THSD7B: variants seen among roughly 807,000 people sequenced by gnomAD.
THSD7B encodes thrombospondin type 1 domain containing 7B, also known as thrombospondin type-1 domain-containing protein 7B.
In THSD7B, 138 loss-of-function variants were observed where a neutral mutation model predicts 213.6. That is an observed-to-expected ratio of 0.65 (90% CI 0.56 to 0.74). THSD7B has a LOEUF of 0.74. Ranked by LOEUF, THSD7B falls within the 30% of genes least tolerant of loss-of-function variation. THSD7B has a pLI of 0.00. For missense variants in THSD7B, 1,931 were observed against 1,991.5 expected, an observed-to-expected ratio of 0.97 and a Z score of 0.58; for synonymous variants, 742 against 687.0, an observed-to-expected ratio of 1.08 and a Z score of -1.25.
At chr2:137,230,740 A>G (rs1224197803) in intron 7 of THSD7B, among the ~76,000 whole-genome samples, 1 of 152,178 alleles carries the variant, frequency 6.6e-6, no homozygotes, top group African/African-American at 2.4e-5. Context: ...GAAGAAAAGC[A>G]TATACTTGTT....
chr2:137,398,709 GC>G (rs1418701495), intron 12 of THSD7B, among the ~76,000 whole-genome samples: 1 of 152,200 alleles, frequency 6.6e-6, no homozygotes, highest in East Asian at 1.9e-4. Context: ...GAGCTTCAGG[GC>G]TGCTTTGTTT....
At chr2:136,792,646 T>C (rs553422446) in intron 1 of THSD7B, among the ~76,000 whole-genome samples, 32 of 152,074 alleles carry the variant, frequency 2.1e-4, no homozygotes, top group African/African-American at 7.7e-4. Flanking sequence ...TTAATTCTAC[T>C]GTGAACCTAA....
At chr2:137,559,473 C>G (rs1041937162) in intron 15 of THSD7B, among the ~76,000 whole-genome samples, 1 of 152,122 alleles carries the variant, frequency 6.6e-6, no homozygotes, top group Admixed American at 6.5e-5. Flanking sequence ...AAAGGATTCC[C>G]TATTTAACAA....
rs566773517 is a variant in THSD7B, at chr2:137,646,437, T to G, written c.3945+3804T>G. ...AGGGTGAATCACTTGAGGCCAGAAGTTTGAGACCAGCCTGAACAACATGAT... is the reference window on the plus strand; with the variant it reads ...AGGGTGAATCACTTGAGGCCAGAAGGTTGAGACCAGCCTGAACAACATGAT... On this transcript the variant is annotated intron_variant, in intron 21 of 27. Transcript: ENST00000409968. Among the ~76,000 whole-genome samples, 3 of 149,530 alleles carry G rather than the reference T, an allele frequency of 2.0e-5. No individual in the cohort carries two copies. The East Asian group carries it at 5.9e-4, about 29-fold the overall frequency.
chr2:136,797,054 G>T (rs547632102), intron 1 of THSD7B, among the ~76,000 whole-genome samples: 4 of 150,766 alleles, frequency 2.7e-5, no homozygotes, highest in Non-Finnish European at 5.9e-5. Flanking sequence ...GTCATGAAAA[G>T]AAATAATAAT....
intron 21 of THSD7B, among the ~76,000 whole-genome samples, chr2:137,651,778 A>G (rs1299283120): frequency 6.6e-6 from 1 of 151,816 alleles, no homozygotes; most frequent in Non-Finnish European, 1.5e-5. Context: ...GTTTTAAGAA[A>G]TTTTTACATT....
intron 12 of THSD7B, among the ~76,000 whole-genome samples, chr2:137,300,252 C>T (rs1014911250): frequency 6.6e-5 from 10 of 152,128 alleles, no homozygotes; most frequent in Non-Finnish European, 1.5e-4. Context: ...TTAATTTATT[C>T]CAACTAAAAT....
At chr2:137,388,729 C>T (rs1573999034) in intron 12 of THSD7B, among the ~76,000 whole-genome samples, 1 of 152,082 alleles carries the variant, frequency 6.6e-6, no homozygotes, top group East Asian at 1.9e-4. Context: ...TCCATAAGAT[C>T]AGCTTATTTA....
chr2:136,835,224 C>T (rs1398058120), intron 1 of THSD7B, among the ~76,000 whole-genome samples: 4 of 152,116 alleles, frequency 2.6e-5, no homozygotes, highest in Admixed American at 2.6e-4. Flanking sequence ...ACAAGAACAC[C>T]TCTTTAAATT....
chr2:137,454,424 G>GTCTATCTA lies in THSD7B; in HGVS notation c.3138+3447_3138+3454dup, dbSNP rs57128305. On this transcript the variant is annotated intron_variant, in intron 15 of 27. Transcript: ENST00000409968. Reference sequence around the variant, plus strand: ...TGTCTGTCTGTCTGTCTGTCTGTCTGTCTATCTATCTATCTATCTATCTAT... The same window carrying GTCTATCTA: ...TGTCTGTCTGTCTGTCTGTCTGTCTGTCTATCTATCTATCTATCTATCTATCTATCTAT... Among the ~76,000 whole-genome samples, 233 of 140,248 alleles carry GTCTATCTA rather than the reference G, an allele frequency of 1.7e-3. 1 individual carries two copies. Among genetic ancestry groups the GTCTATCTA allele is most frequent in the South Asian group, 4.0e-3 (17 of 4,220 alleles). The allele number at this position is 140,248 out of a possible 152,430, so 92.0% of individuals were successfully genotyped here.
chr2:137,518,557 A>C (rs1332515236), intron 15 of THSD7B, among the ~76,000 whole-genome samples: 1 of 152,176 alleles, frequency 6.6e-6, no homozygotes, highest in East Asian at 1.9e-4. Flanking sequence ...AGTAGTCAAA[A>C]ACTGTGAAGA....
At chr2:137,309,945 T>A (rs1224319752) in intron 12 of THSD7B, among the ~76,000 whole-genome samples, 1 of 152,014 alleles carries the variant, frequency 6.6e-6, no homozygotes, top group African/African-American at 2.4e-5. Flanking sequence ...TTTGCTATTG[T>A]GAATAATGCT....
Position 137,560,282 on chromosome 2 carries a change from C to T in THSD7B, c.3139-2939C>T, listed in dbSNP as rs376324994. Among the ~76,000 whole-genome samples the T allele has an allele frequency of 1.4e-4, 21 of 152,108 alleles. 2 individuals carry two copies. Among genetic ancestry groups the T allele is most frequent in the Admixed American group, 8.5e-4 (13 of 15,256 alleles). ...CACACGTGTGTTTATTGCAGCACTA[C>T]TCACAATAGCAAAGACTTGGAACCA... On this transcript the variant is annotated intron_variant, in intron 15 of 27. Transcript: ENST00000409968.
chr2:137,041,437 T>TA (rs1686879610), intron 2 of THSD7B, among the ~76,000 whole-genome samples: 1 of 151,906 alleles, frequency 6.6e-6, no homozygotes, highest in Non-Finnish European at 1.5e-5. Context: ...ATTGGCAACA[T>TA]ACATATATAT....
rs768777075 is a variant in THSD7B, at chr2:137,618,372, G to A, written c.3566-20G>A. The A allele has an allele frequency of 9.9e-6, 16 of 1,608,226 alleles. No individual in the cohort carries two copies. Among genetic ancestry groups the A allele is most frequent in the Non-Finnish European group, 8.5e-7 (1 of 1,175,688 alleles). ...TGGCCATAATTTTGAAACTCAGTGT[G>A]GGTGATCCTATGCCTGTAGAGTGGA... is the stretch of plus-strand genomic sequence containing the variant. On this transcript the variant is annotated intron_variant, in intron 18 of 27. Transcript: ENST00000409968.
At chr2:137,179,035 A>G (rs376448197) in intron 7 of THSD7B, among the ~76,000 whole-genome samples, 1 of 152,042 alleles carries the variant, frequency 6.6e-6, no homozygotes, top group Non-Finnish European at 1.5e-5. Context: ...TCCTTTTTCT[A>G]TCTCTTCTGA....
chr2:137,123,499 C>T (rs1688579111), intron 5 of THSD7B, among the ~76,000 whole-genome samples: 1 of 152,166 alleles, frequency 6.6e-6, no homozygotes, highest in Non-Finnish European at 1.5e-5. Flanking sequence ...AGCATTCCCT[C>T]ATATTTTCTT....
intron 14 of THSD7B, among the ~76,000 whole-genome samples, chr2:137,425,834 C>A (rs1687042733): frequency 6.6e-6 from 1 of 152,040 alleles, no homozygotes; most frequent in South Asian, 2.1e-4. Flanking sequence ...GAAATCCTAG[C>A]TAGAGCAATG....
At chr2:137,130,404 T>A (rs1173009487) in intron 5 of THSD7B, among the ~76,000 whole-genome samples, 1 of 151,946 alleles carries the variant, frequency 6.6e-6, no homozygotes, top group Non-Finnish European at 1.5e-5. Flanking sequence ...ATACTTTAAG[T>A]TTTAGGGTAC....
Sources: gnomAD v4.1 joint callset for allele counts (sites outside exome capture counted in the v4.1 genomes callset) on GRCh38, gnomAD v4.1.1 for gene constraint, MANE v1.5 for transcripts, NCBI Gene and HGNC (gene_info 2026-07-23, HGNC 2026-07-21) for gene names.